Variants in MED13L observed in about 807,000 individuals in gnomAD.
MED13L encodes the protein mediator of RNA polymerase II transcription subunit 13-like.
MED13L carries 7 observed loss-of-function variants against 220.9 expected under a neutral mutation model. That is an observed-to-expected ratio of 0.03 (90% confidence interval 0.02 to 0.06). The LOEUF (loss-of-function observed/expected upper bound fraction) is 0.06. Ranked by LOEUF, MED13L falls within the 10% of genes least tolerant of loss-of-function variation. The pLI, the probability that MED13L is intolerant of heterozygous loss-of-function variation, is 1.00. For synonymous variants in MED13L, 1,011 were observed against 1,015.2 expected (o/e 1.00, Z 0.08); for missense variants, 1,965 against 2,760.5 (o/e 0.71, Z 6.46).
chr12:116,246,625 C>T (rs942307261), intron 1 of MED13L, among the ~76,000 whole-genome samples: 12 of 148,466 alleles, frequency 8.1e-5, no homozygotes, highest in African/African-American at 3.0e-4. Context: ...CTGGGCAAGA[C>T]AGCAAGACCT....
At chr12:115,984,934 GC>G (rs1877585548) in intron 19 of MED13L, among the ~76,000 whole-genome samples, 1 of 151,840 alleles carries the variant, frequency 6.6e-6, no homozygotes, top group Non-Finnish European at 1.5e-5. Context: ...CTAAATGGGT[GC>G]TTATGGCAGG....
At chr12:115,984,987 G>A (rs780044098) in intron 19 of MED13L, among the ~76,000 whole-genome samples, 2 of 152,114 alleles carry the variant, frequency 1.3e-5, no homozygotes, top group Non-Finnish European at 2.9e-5. Flanking sequence ...CTGTTCACCA[G>A]CAGGAGAGCC....
chr12:116,202,972 G>A (rs1170079623), intron 2 of MED13L, among the ~76,000 whole-genome samples: 1 of 152,140 alleles, frequency 6.6e-6, no homozygotes, highest in Non-Finnish European at 1.5e-5. Context: ...TCAATACCTG[G>A]AAGGCAGATG....
rs1876698345 is a variant in MED13L, at chr12:115,973,068, A to T, written c.5732-832T>A. On this transcript the variant is annotated intron_variant, in intron 25 of 30. Coordinates refer to ENST00000281928, the MANE Select transcript of MED13L (RefSeq NM_015335.5). ...CAAATAAGCTGCCATTTCTCCCCTT[A>T]AAGAGCAAGTGAATGGAAAACTGTT... 2.0e-5 allele frequency among the ~76,000 whole-genome samples: 3 copies of T among 152,310 alleles called. No homozygotes were observed. In the South Asian group the frequency reaches 6.2e-4, roughly 32 times the overall value.
At chr12:116,049,734 G>A (rs1382316199) in intron 4 of MED13L, among the ~76,000 whole-genome samples, 1 of 152,142 alleles carries the variant, frequency 6.6e-6, no homozygotes, top group African/African-American at 2.4e-5. Context: ...TAGGAAGGTG[G>A]ACAAACTGAA....
At chr12:116,256,563 C>A (rs1007089984) in intron 1 of MED13L, among the ~76,000 whole-genome samples, 1 of 151,848 alleles carries the variant, frequency 6.6e-6, no homozygotes, top group African/African-American at 2.4e-5. Context: ...AATTATGAAA[C>A]CGTACACTTA....
At chr12:116,215,459 A>G (rs1373566564) in intron 2 of MED13L, among the ~76,000 whole-genome samples, 1 of 152,208 alleles carries the variant, frequency 6.6e-6, no homozygotes, top group African/African-American at 2.4e-5. Flanking sequence ...CCTCTCTTAT[A>G]GCTGATATCT....
At chr12:116,136,490 T>G (rs192313659) in intron 2 of MED13L, among the ~76,000 whole-genome samples, 64 of 152,232 alleles carry the variant, frequency 4.2e-4, no homozygotes, top group Middle Eastern at 6.8e-3. Flanking sequence ...GAACGATGCA[T>G]TCACGCCAAA....
chr12:115,965,489 C>T (rs1265705530), intron 29 of MED13L, among the ~76,000 whole-genome samples: 1 of 152,156 alleles, frequency 6.6e-6, no homozygotes, highest in African/African-American at 2.4e-5. Context: ...CAGTATGCTG[C>T]CAAATCTTTG....
chr12:116,150,655 C>G (rs933810787), intron 2 of MED13L, among the ~76,000 whole-genome samples: 1 of 152,174 alleles, frequency 6.6e-6, no homozygotes, highest in Non-Finnish European at 1.5e-5. Flanking sequence ...AGAACTGAGG[C>G]ACACCATTCT....
chr12:115,990,509 C>G (rs2137302411), intron 17 of MED13L, among the ~76,000 whole-genome samples: 1 of 152,190 alleles, frequency 6.6e-6, no homozygotes, highest in South Asian at 2.1e-4. Flanking sequence ...TTCACTGGAG[C>G]TTTTAATAAT....
At position 116,102,707 on chromosome 12, in the gene MED13L, TTTC is replaced by T. The variant is rs1408234739; in HGVS notation, c.396-5958_396-5956del. The stretch of plus-strand genomic sequence containing the variant: ...CTATATTTTCTTTTTCTTTTTCTTT[TTTC>T]TTTTTTTTTTTTTTTTTTTTTTTTT... On this transcript the variant is annotated intron_variant, in intron 3 of 30. Transcript: ENST00000281928. Among the ~76,000 whole-genome samples, 507 of 88,538 alleles carry T rather than the reference TTTC, an allele frequency of 5.7e-3. 4 individuals are homozygous for T. The highest frequency in any genetic ancestry group is 7.3e-3 in the Non-Finnish European group (297 of 40,906). The allele number at this position is 88,538 out of a possible 152,430, so 58.1% of individuals were successfully genotyped here.
At chr12:116,039,965 G>C (rs1881425919) in intron 4 of MED13L, among the ~76,000 whole-genome samples, 1 of 152,160 alleles carries the variant, frequency 6.6e-6, no homozygotes, top group Non-Finnish European at 1.5e-5. Flanking sequence ...GAGTGTGAGA[G>C]ACTGCAGACG....
intron 2 of MED13L, among the ~76,000 whole-genome samples, chr12:116,164,044 C>T (rs1406873564): frequency 2.6e-5 from 4 of 152,096 alleles, no homozygotes; most frequent in Non-Finnish European, 5.9e-5. Context: ...ATGTAAAATT[C>T]ATCAGAATAT....
chr12:116,193,273 T>C (rs914969061), intron 2 of MED13L, among the ~76,000 whole-genome samples: 3 of 152,216 alleles, frequency 2.0e-5, no homozygotes, highest in African/African-American at 4.8e-5. Context: ...ATCATGCCAC[T>C]GCACTACAGC....
intron 2 of MED13L, among the ~76,000 whole-genome samples, chr12:116,150,514 G>A (rs892267358): frequency 3.9e-5 from 6 of 152,146 alleles, no homozygotes; most frequent in South Asian, 2.1e-4. Flanking sequence ...TCCTACAACC[G>A]GGTCTGAGCT....
intron 2 of MED13L, among the ~76,000 whole-genome samples, chr12:116,132,143 T>C (rs1478934950): frequency 6.6e-6 from 1 of 151,794 alleles, no homozygotes; most frequent in Admixed American, 6.6e-5. Flanking sequence ...TAGCAGGTCA[T>C]GACGGCAGGT....
At chr12:115,963,584 G>C in intron 29 of MED13L, 65 bp from the exon 30 acceptor site, 14 of 1,177,552 alleles carry the variant, frequency 1.2e-5, no homozygotes, top group African/African-American at 1.5e-5. Flanking sequence ...AGTGAGGGAG[G>C]CCATGTCTGC....
intron 1 of MED13L, among the ~76,000 whole-genome samples, chr12:116,249,705 T>G (rs147986667): frequency 1.1e-5 from 1 of 94,086 alleles, no homozygotes; most frequent in Non-Finnish European, 2.0e-5. Flanking sequence ...AAATTCGCTG[T>G]GGGTTTAACA....
Sources: gnomAD v4.1 joint callset for allele counts (sites outside exome capture counted in the v4.1 genomes callset) on GRCh38, gnomAD v4.1.1 for gene constraint, MANE v1.5 for transcripts, NCBI Gene and HGNC (gene_info 2026-07-23, HGNC 2026-07-21) for gene names.